Variants in COL5A2 observed in about 807,000 individuals in gnomAD.
The protein encoded by COL5A2 is collagen alpha-2(V) chain.
COL5A2 carries 23 observed loss-of-function variants against 208.2 expected under a neutral mutation model. That is an observed-to-expected ratio of 0.11 (90% CI 0.08 to 0.16). The LOEUF is 0.16. Ranked by LOEUF, COL5A2 falls within the 10% of genes least tolerant of loss-of-function variation. The pLI, the probability that COL5A2 is intolerant of heterozygous loss-of-function variation, is 1.00. For missense variants in COL5A2, 1,590 were observed against 1,956.4 expected, an observed-to-expected ratio of 0.81 and a Z score of 3.53; for synonymous variants, 625 against 628.5, an observed-to-expected ratio of 0.99 and a Z score of 0.08.
chr2:189,149,204 C>T (rs1027669826), intron 1 of COL5A2, among the ~76,000 whole-genome samples: 2 of 152,064 alleles, frequency 1.3e-5, no homozygotes, highest in Non-Finnish European at 2.9e-5. Context: ...TCCTTCTTAT[C>T]AAAAAGAAAA....
the COL5A2 span, among the ~76,000 whole-genome samples, chr2:189,290,178 C>T: frequency 2.0e-5 from 3 of 152,142 alleles, no homozygotes; most frequent in East Asian, 3.8e-4. Flanking sequence ...TAAATCCATG[C>T]ACTTATAGTC....
At chr2:189,409,154 A>G in the COL5A2 span, among the ~76,000 whole-genome samples, 1 of 151,640 alleles carries the variant, frequency 6.6e-6, no homozygotes, top group Non-Finnish European at 1.5e-5. Flanking sequence ...GATTCTGCTC[A>G]CAGAATTCTA....
intron 1 of COL5A2, among the ~76,000 whole-genome samples, chr2:189,194,933 T>A (rs528852007): frequency 4.6e-5 from 7 of 152,112 alleles, no homozygotes; most frequent in African/African-American, 1.7e-4. Context: ...AAGCCTTGCA[T>A]CCCAAGGATG....
chr2:189,275,272 G>T, the COL5A2 span, among the ~76,000 whole-genome samples: 529 of 152,076 alleles, frequency 3.5e-3, 3 homozygotes, highest in African/African-American at 0.012. Flanking sequence ...TGTTAGCAAA[G>T]TATTTTTATT....
At chr2:189,325,130 A>C in the COL5A2 span, among the ~76,000 whole-genome samples, 5 of 151,852 alleles carry the variant, frequency 3.3e-5, no homozygotes, top group African/African-American at 1.2e-4. Flanking sequence ...GAACACTTGG[A>C]CACGGGAAGG....
In COL5A2 at chr2:189,033,643, T is replaced by C. The variant is rs899056525; in HGVS notation, c.*427A>G. On this transcript the variant is annotated 3_prime_UTR_variant, in exon 54 of 54. Transcript: ENST00000374866. ...AGGGCACTAATTTCTATTTTTCAAC[T>C]GCAGCCAAGCAAAATAAACATGTGT... is the stretch of plus-strand genomic sequence containing the variant. The C allele has an allele frequency of 1.1e-5, 2 of 190,222 alleles. No homozygotes were observed. Among genetic ancestry groups the C allele is most frequent in the African/African-American group, 2.4e-5 (1 of 42,350 alleles). 11.8% of individuals were successfully genotyped at this position (190,222 alleles called of 1,614,324 possible).
the COL5A2 span, among the ~76,000 whole-genome samples, chr2:189,435,529 C>T: frequency 1.3e-5 from 2 of 152,120 alleles, no homozygotes; most frequent in Non-Finnish European, 2.9e-5. Context: ...TATGAACAGA[C>T]ACTTCTCAAA....
intron 52 of COL5A2, among the ~76,000 whole-genome samples, chr2:189,036,402 A>T (rs546291855): frequency 6.6e-6 from 1 of 152,270 alleles, no homozygotes; most frequent in East Asian, 1.9e-4. Flanking sequence ...CCATGAGAAA[A>T]TTTTTAATTC....
chr2:189,351,228 C>A, the COL5A2 span, among the ~76,000 whole-genome samples: 1 of 152,202 alleles, frequency 6.6e-6, no homozygotes, highest in African/African-American at 2.4e-5. Context: ...GCCTTAACAT[C>A]TATACAAATC....
At chr2:189,351,231 T>C in the COL5A2 span, among the ~76,000 whole-genome samples, 4 of 152,206 alleles carry the variant, frequency 2.6e-5, no homozygotes, top group Non-Finnish European at 5.9e-5. Flanking sequence ...TTAACATCTA[T>C]ACAAATCATC....
At chr2:189,178,135 A>G (rs1688711290) in intron 1 of COL5A2, among the ~76,000 whole-genome samples, 1 of 152,172 alleles carries the variant, frequency 6.6e-6, no homozygotes, top group Non-Finnish European at 1.5e-5. Flanking sequence ...AAAGAAACTC[A>G]AAAGTTTTCA....
chr2:189,421,029 G>C, the COL5A2 span, among the ~76,000 whole-genome samples: 1,335 of 152,168 alleles, frequency 8.8e-3, 20 homozygotes, highest in African/African-American at 0.03. Flanking sequence ...AGAATAATCA[G>C]TATACTAATA....
chr2:189,062,046 A>G (rs895562649), intron 29 of COL5A2, among the ~76,000 whole-genome samples: 4 of 152,326 alleles, frequency 2.6e-5, no homozygotes, highest in Admixed American at 2.6e-4. Context: ...CATTTTAGAA[A>G]GATTTAAACT....
At chr2:189,090,198 T>C (rs1411316909) in intron 7 of COL5A2, among the ~76,000 whole-genome samples, 3 of 152,200 alleles carry the variant, frequency 2.0e-5, no homozygotes, top group African/African-American at 7.2e-5. Context: ...AATGCTAATA[T>C]GGAGAAAGGT....
chr2:189,220,255 T>A (rs1689332238), intron 1 of COL5A2, among the ~76,000 whole-genome samples: 1 of 152,194 alleles, frequency 6.6e-6, no homozygotes, highest in Non-Finnish European at 1.5e-5. Flanking sequence ...TCTATGTGTG[T>A]TAACATCTTA....
intron 1 of COL5A2, among the ~76,000 whole-genome samples, chr2:189,206,539 T>A (rs554121671): frequency 1.3e-4 from 20 of 152,134 alleles, no homozygotes; most frequent in African/African-American, 4.6e-4. Context: ...CTGGGATGGA[T>A]AGAAGTTCTA....
intron 1 of COL5A2, among the ~76,000 whole-genome samples, chr2:189,212,624 G>T (rs937297887): frequency 1.4e-5 from 2 of 147,366 alleles, no homozygotes; most frequent in African/African-American, 5.2e-5. Context: ...GGGCAATAGA[G>T]CAAGACTCAG....
intron 23 of COL5A2, among the ~76,000 whole-genome samples, chr2:189,065,764 C>T (rs915184492): frequency 6.6e-6 from 1 of 152,182 alleles, no homozygotes; most frequent in African/African-American, 2.4e-5. Context: ...TCACTGTGCT[C>T]CAGTCACAGC....
chr2:189,258,772 C>T, the COL5A2 span, among the ~76,000 whole-genome samples: 43 of 152,194 alleles, frequency 2.8e-4, no homozygotes, highest in Middle Eastern at 3.4e-3. Context: ...GAAAAAGCCA[C>T]GTCGCCAGAG....
Sources: allele counts gnomAD v4.1 joint callset (sites outside exome capture counted in the v4.1 genomes callset), GRCh38; gene constraint gnomAD v4.1.1; transcripts MANE v1.5; gene names NCBI Gene and HGNC (gene_info 2026-07-23, HGNC 2026-07-21).